Variants in QTMAN observed in about 807,000 individuals in gnomAD.
QTMAN encodes queuosine-tRNA mannosyltransferase, also known as tRNA-queuosine alpha-mannosyltransferase.
At chr2:144,304,963 GAATTGT>G in the QTMAN span, among the ~76,000 whole-genome samples, 2 of 152,024 alleles carry the variant, frequency 1.3e-5, no homozygotes, top group Non-Finnish European at 1.5e-5. Flanking sequence ...CTTGATTATT[GAATTGT>G]AACAGTTCTT....
chr2:144,269,681 C>T, the QTMAN span, among the ~76,000 whole-genome samples: 3 of 151,866 alleles, frequency 2.0e-5, no homozygotes, highest in East Asian at 1.9e-4. Context: ...AAAAATACAA[C>T]GGGCCAGAAA....
chr2:144,026,755 T>C, the QTMAN span, among the ~76,000 whole-genome samples: 1 of 152,166 alleles, frequency 6.6e-6, no homozygotes, highest in Non-Finnish European at 1.5e-5. Flanking sequence ...TTAAATAAGC[T>C]AATTTATGTA....
chr2:144,014,821 T>C, the QTMAN span, among the ~76,000 whole-genome samples: 1 of 152,248 alleles, frequency 6.6e-6, no homozygotes, highest in Non-Finnish European at 1.5e-5. Flanking sequence ...CCTATTCTTT[T>C]ATATTTTTAT....
the QTMAN span, among the ~76,000 whole-genome samples, chr2:144,261,929 C>A: frequency 6.6e-6 from 1 of 151,988 alleles, no homozygotes; most frequent in Non-Finnish European, 1.5e-5. Flanking sequence ...TAAAACTGAT[C>A]CATTTAAGTA....
chr2:144,205,239 G>C, the QTMAN span, among the ~76,000 whole-genome samples: 2 of 152,212 alleles, frequency 1.3e-5, no homozygotes, highest in African/African-American at 2.4e-5. Context: ...CAGGCACTTT[G>C]CAGCCTCCCA....
At chr2:144,171,743 G>C in the QTMAN span, among the ~76,000 whole-genome samples, 2 of 152,126 alleles carry the variant, frequency 1.3e-5, no homozygotes, top group Admixed American at 1.3e-4. Flanking sequence ...CCATGATAAA[G>C]GTAGCACCAA....
the QTMAN span, among the ~76,000 whole-genome samples, chr2:144,083,397 C>G: frequency 1.3e-5 from 2 of 152,168 alleles, no homozygotes; most frequent in Admixed American, 1.3e-4. Context: ...CATCCACCAG[C>G]TGAGGAGCAC....
chr2:144,027,327 A>G, the QTMAN span, among the ~76,000 whole-genome samples: 14 of 152,320 alleles, frequency 9.2e-5, 1 homozygote, highest in East Asian at 2.7e-3. Context: ...TTTTACTTGT[A>G]TATCATATCA....
chr2:144,030,920 T>G, the QTMAN span, among the ~76,000 whole-genome samples: 3 of 152,166 alleles, frequency 2.0e-5, no homozygotes, highest in Non-Finnish European at 4.4e-5. Flanking sequence ...TGAACGAAGC[T>G]GTAGCCAAGC....
At chr2:144,065,438 C>T in the QTMAN span, among the ~76,000 whole-genome samples, 1 of 152,186 alleles carries the variant, frequency 6.6e-6, no homozygotes, top group Non-Finnish European at 1.5e-5. Flanking sequence ...TGGTTTCAGC[C>T]AACTGCAGAT....
chr2:144,131,905 A>T, the QTMAN span, among the ~76,000 whole-genome samples: 1 of 151,946 alleles, frequency 6.6e-6, no homozygotes, highest in Admixed American at 6.6e-5. Flanking sequence ...AGTAATGTAC[A>T]TAAAGTGTGT....
chr2:144,206,075 C>A, the QTMAN span, among the ~76,000 whole-genome samples: 4 of 152,132 alleles, frequency 2.6e-5, no homozygotes, highest in African/African-American at 7.2e-5. Flanking sequence ...AGCATTTATT[C>A]TTTTAATAAT....
the QTMAN span, among the ~76,000 whole-genome samples, chr2:144,186,796 CATTAGGTTCAT>C: frequency 6.6e-6 from 1 of 152,276 alleles, no homozygotes; most frequent in Admixed American, 6.5e-5. Context: ...AAATTTGCCA[CATTAGGTTCAT>C]GTTATAGAAT....
chr2:144,217,054 T>C, the QTMAN span, among the ~76,000 whole-genome samples: 4 of 152,252 alleles, frequency 2.6e-5, no homozygotes, highest in Admixed American at 6.5e-5. Flanking sequence ...TTCTCAAAGA[T>C]GGCTTTTCTC....
the QTMAN span, among the ~76,000 whole-genome samples, chr2:143,997,220 A>C: frequency 2.6e-5 from 4 of 152,130 alleles, no homozygotes; most frequent in African/African-American, 9.7e-5. Flanking sequence ...GGCTTGATAC[A>C]TTATTTATGA....
At chr2:144,042,406 C>T in the QTMAN span, among the ~76,000 whole-genome samples, 1 of 151,886 alleles carries the variant, frequency 6.6e-6, no homozygotes, top group African/African-American at 2.4e-5. Flanking sequence ...AAAACAAACA[C>T]AAAAATGACA....
the QTMAN span, among the ~76,000 whole-genome samples, chr2:144,194,291 C>A: frequency 6.6e-6 from 1 of 152,104 alleles, no homozygotes; most frequent in Non-Finnish European, 1.5e-5. Context: ...TTTATTTTCA[C>A]CATTTAGCAG....
At chr2:144,312,342 T>C in the QTMAN span, among the ~76,000 whole-genome samples, 1 of 151,882 alleles carries the variant, frequency 6.6e-6, no homozygotes, top group Non-Finnish European at 1.5e-5. Context: ...GGAAATACAC[T>C]CTTAGGCTAA....
the QTMAN span, among the ~76,000 whole-genome samples, chr2:143,988,525 T>A: frequency 8.3e-4 from 127 of 152,372 alleles, no homozygotes; most frequent in African/African-American, 2.9e-3. Context: ...AGCTCTGATA[T>A]GAATCAGGAA....
Sources: allele counts gnomAD v4.1 joint callset (sites outside exome capture counted in the v4.1 genomes callset), GRCh38; gene constraint gnomAD v4.1.1; transcripts MANE v1.5; gene names NCBI Gene and HGNC (gene_info 2026-07-23, HGNC 2026-07-21).